The following HS1BP3 variants were observed in gnomAD, a reference collection of about 807,000 sequenced individuals.
The protein encoded by HS1BP3 is HCLS1 binding protein 3.
In HS1BP3, 32 loss-of-function variants were observed where a neutral mutation model predicts 33.5. The ratio of observed to expected loss-of-function variants is 0.95; its 90% CI spans 0.72 to 1.28. HS1BP3 has a LOEUF of 1.28. Among genes scored for constraint, HS1BP3 ranks in the 50% most tolerant of loss-of-function variants. HS1BP3 has a pLI of 0.00. For missense variants in HS1BP3, 486 were observed against 502.3 expected (o/e 0.97, Z 0.31); for synonymous variants, 187 against 209.2 (o/e 0.89, Z 0.92).
downstream of HS1BP3, among the ~76,000 whole-genome samples, chr2:20,612,952 G>A (rs1222598104): frequency 6.6e-6 from 1 of 152,140 alleles, no homozygotes; most frequent in Non-Finnish European, 1.5e-5. Flanking sequence ...TAGACTGTGA[G>A]GTCCCGATGC....
intron 3 of HS1BP3, among the ~76,000 whole-genome samples, chr2:20,593,782 T>G (rs1327538932): frequency 6.6e-6 from 1 of 152,188 alleles, no homozygotes; most frequent in Non-Finnish European, 1.5e-5. Context: ...CTGCTGCCCC[T>G]GCTGGTCCCT....
intron 6 of HS1BP3, among the ~76,000 whole-genome samples, 175 bp from the exon 7 acceptor site, chr2:20,619,420 C>A (rs1203166264): frequency 1.3e-5 from 2 of 152,196 alleles, no homozygotes; most frequent in African/African-American, 2.4e-5. Context: ...TCCACCCATC[C>A]TGCCCAGAGG....
At chr2:20,565,210 C>A (rs12328382) in intron 5 of HS1BP3, among the ~76,000 whole-genome samples, 124,980 of 152,150 alleles carry the variant, frequency 0.82, 51,972 homozygotes, top group Admixed American at 0.89. Context: ...GCTCAGTGCC[C>A]GGCTGTGTAT....
chr2:20,629,976 T>C (rs901691368), intron 4 of HS1BP3, among the ~76,000 whole-genome samples: 9 of 152,192 alleles, frequency 5.9e-5, no homozygotes, highest in African/African-American at 1.9e-4. Context: ...CATTCCCAGA[T>C]GTGCCCACCC....
At chr2:20,577,037 G>A (rs1693417648) in intron 5 of HS1BP3, among the ~76,000 whole-genome samples, 1 of 152,172 alleles carries the variant, frequency 6.6e-6, no homozygotes, top group Admixed American at 6.5e-5. Context: ...GTATTTACAA[G>A]GAAATTTATG....
intron 1 of HS1BP3, among the ~76,000 whole-genome samples, chr2:20,650,312 T>C (rs939215706): frequency 1.3e-5 from 2 of 152,210 alleles, no homozygotes; most frequent in Non-Finnish European, 2.9e-5. Flanking sequence ...TACAGCGTTT[T>C]AAAGGCGGAA....
At chr2:20,559,223 T>A (rs982795940), downstream of HS1BP3, among the ~76,000 whole-genome samples, 3 of 152,050 alleles carry the variant, frequency 2.0e-5, no homozygotes, top group Admixed American at 2.0e-4. Flanking sequence ...TCAAAAACCT[T>A]CTCCTTTGGG....
At chr2:20,630,027 G>C (rs528875694) in intron 4 of HS1BP3, among the ~76,000 whole-genome samples, 25 of 152,306 alleles carry the variant, frequency 1.6e-4, no homozygotes, top group Admixed American at 1.6e-3. Context: ...CTCAGCACCG[G>C]GTGTACATGC....
rs553064360 is a variant in HS1BP3, at chr2:20,611,506, G to T, written c.178+12390C>A. 6.6e-6 allele frequency among the ~76,000 whole-genome samples: 1 copy of T among 152,352 alleles called. No individual in the cohort carries two copies. On this transcript the variant is annotated intron_variant, in intron 2 of 3. Transcript: ENST00000415264. This position sits in a 1 kb window ranked among gnomAD's most constrained non-coding sequence, Gnocchi z 4.9. ...AGGGAAACCGATGTGTTTACTTCCT[G>T]TCTCCATGGTGCTGGGAGAGCTGTT... is the stretch of plus-strand genomic sequence containing the variant.
At chr2:20,580,605 G>C (rs1693510654) in intron 5 of HS1BP3, among the ~76,000 whole-genome samples, 1 of 152,140 alleles carries the variant, frequency 6.6e-6, no homozygotes, top group South Asian at 2.1e-4. Flanking sequence ...GTTATAAAAA[G>C]AATTCACAGA....
intron 4 of HS1BP3, among the ~76,000 whole-genome samples, chr2:20,626,117 G>T (rs954261921): frequency 2.0e-5 from 3 of 152,204 alleles, no homozygotes; most frequent in African/African-American, 7.2e-5. Flanking sequence ...ACTGCACCGA[G>T]AGGCTGGCCT....
At chr2:20,608,207 T>C (rs1386102387) in intron 2 of HS1BP3, among the ~76,000 whole-genome samples, 1 of 152,204 alleles carries the variant, frequency 6.6e-6, no homozygotes, top group Admixed American at 6.5e-5. Flanking sequence ...CCTGCTTATT[T>C]TACTATCTAG....
intron 5 of HS1BP3, among the ~76,000 whole-genome samples, chr2:20,577,235 G>A (rs923007345): frequency 2.0e-5 from 3 of 152,090 alleles, no homozygotes; most frequent in Admixed American, 1.3e-4. Context: ...TCCGTATCGG[G>A]GAGGGCCTGG....
intron 4 of HS1BP3, among the ~76,000 whole-genome samples, chr2:20,630,381 T>C (rs1694932922): frequency 6.6e-6 from 1 of 152,134 alleles, no homozygotes; most frequent in African/African-American, 2.4e-5. Context: ...TCCTCTCACC[T>C]CAGCCACCCT....
chr2:20,580,263 A>G (rs111851807), intron 5 of HS1BP3, among the ~76,000 whole-genome samples: 9,015 of 152,344 alleles, frequency 0.059, 259 homozygotes, highest in South Asian at 0.084. Flanking sequence ...TCATGCCTGT[A>G]ATCCTAGCAC....
downstream of HS1BP3, among the ~76,000 whole-genome samples, chr2:20,589,473 T>G (rs1230655581): frequency 6.6e-6 from 1 of 152,200 alleles, no homozygotes. Context: ...TGGGCACTGC[T>G]AGAGGCTGCC....
At chr2:20,563,402 T>C (rs1693050144) in intron 5 of HS1BP3, among the ~76,000 whole-genome samples, 1 of 152,178 alleles carries the variant, frequency 6.6e-6, no homozygotes, top group South Asian at 2.1e-4. Flanking sequence ...GAGGAGGGAC[T>C]CCTCAGGTTA....
intron 5 of HS1BP3, among the ~76,000 whole-genome samples, chr2:20,579,914 G>T (rs564124666): frequency 6.6e-6 from 1 of 152,236 alleles, no homozygotes; most frequent in Non-Finnish European, 1.5e-5. Flanking sequence ...CACCTACAAA[G>T]GTTCTGCATG....
chr2:20,629,083 T>C (rs1471095909), intron 4 of HS1BP3, among the ~76,000 whole-genome samples: 1 of 152,082 alleles, frequency 6.6e-6, no homozygotes, highest in African/African-American at 2.4e-5. Flanking sequence ...ATCTGGACAG[T>C]TAAGGTGATC....
Sources: allele counts gnomAD v4.1 joint callset (sites outside exome capture counted in the v4.1 genomes callset), GRCh38; gene constraint gnomAD v4.1.1; non-coding constraint Gnocchi (gnomAD v3.1); transcripts MANE v1.5; gene names NCBI Gene and HGNC (gene_info 2026-07-23, HGNC 2026-07-21).